Variants in EPC2 observed in about 807,000 individuals in gnomAD.
EPC2 encodes enhancer of polycomb homolog 2.
EPC2 carries 14 observed loss-of-function variants against 92.1 expected under a neutral mutation model. That is an observed-to-expected ratio of 0.15 (90% CI 0.10 to 0.24). The LOEUF (loss-of-function observed/expected upper bound fraction) is 0.24, where lower values mean the gene tolerates loss of function less well. Ranked by LOEUF, EPC2 falls within the 10% of genes least tolerant of loss-of-function variation. The pLI, the probability that EPC2 is intolerant of heterozygous loss-of-function variation, is 1.00. For missense variants in EPC2, 755 were observed against 971.5 expected, an observed-to-expected ratio of 0.78 and a Z score of 2.96; for synonymous variants, 340 against 334.7, an observed-to-expected ratio of 1.02 and a Z score of -0.17.
At chr2:148,645,198 C>A (rs779180030) in intron 1 of EPC2, 28 bp downstream of exon 1, 10 of 1,544,862 alleles carry the variant, frequency 6.5e-6, no homozygotes, top group East Asian at 4.8e-5. Flanking sequence ...TATTACCCCC[C>A]CTTCCCTCCT....
intron 2 of EPC2, chr2:148,691,760 C>T: frequency 2.4e-6 from 2 of 820,712 alleles, no homozygotes; most frequent in Non-Finnish European, 4.2e-6. Flanking sequence ...AGATTTTTTG[C>T]TTCTCCTTTC....
chr2:148,781,938 G>A (rs1683758122), intron 11 of EPC2, among the ~76,000 whole-genome samples, 158 bp downstream of exon 11: 1 of 152,136 alleles, frequency 6.6e-6, no homozygotes, highest in Non-Finnish European at 1.5e-5. Flanking sequence ...GTAATTTTAA[G>A]TGACTAGCTT....
chr2:148,743,549 C>T, intron 2 of EPC2, 73 bp from the exon 3 acceptor site: 1 of 1,208,272 alleles, frequency 8.3e-7, no homozygotes, highest in Non-Finnish European at 1.1e-6. Flanking sequence ...AGGTAGTCTG[C>T]AGTCAAATAT....
intron 7 of EPC2, among the ~76,000 whole-genome samples, chr2:148,767,905 A>G (rs529585696): frequency 1.3e-5 from 2 of 152,286 alleles, no homozygotes; most frequent in Non-Finnish European, 2.9e-5. Context: ...GTTATTTGCA[A>G]AGGAACCAAA....
intron 2 of EPC2, among the ~76,000 whole-genome samples, chr2:148,697,844 A>G (rs1681782128): frequency 6.6e-6 from 1 of 152,244 alleles, no homozygotes; most frequent in Admixed American, 6.5e-5. Flanking sequence ...GGTTTGCTGC[A>G]AGTCCAACCT....
At chr2:148,732,258 G>A (rs540649208) in intron 2 of EPC2, among the ~76,000 whole-genome samples, 5 of 152,250 alleles carry the variant, frequency 3.3e-5, no homozygotes, top group South Asian at 2.1e-4. Context: ...GTGCACCCGC[G>A]GTCTTGCACA....
At chr2:148,678,582 G>A (rs571322992) in intron 1 of EPC2, among the ~76,000 whole-genome samples, 41 of 152,382 alleles carry the variant, frequency 2.7e-4, no homozygotes, top group African/African-American at 5.3e-4. Context: ...GAAATCGAGC[G>A]CAGCACTGGT....
intron 2 of EPC2, among the ~76,000 whole-genome samples, chr2:148,742,330 G>C (rs1277075817): frequency 6.6e-6 from 1 of 152,168 alleles, no homozygotes; most frequent in African/African-American, 2.4e-5. Flanking sequence ...GCTTTCTTCT[G>C]CTGCTCTTTC....
At chr2:148,746,408 C>T (rs908839430) in intron 3 of EPC2, among the ~76,000 whole-genome samples, 8 of 152,136 alleles carry the variant, frequency 5.3e-5, no homozygotes, top group Middle Eastern at 3.4e-3. Flanking sequence ...CATTTTTTAT[C>T]CCTTTCCTTC....
intron 2 of EPC2, among the ~76,000 whole-genome samples, chr2:148,697,646 CATT>C (rs1646321794): frequency 6.6e-6 from 1 of 152,128 alleles, no homozygotes; most frequent in South Asian, 2.1e-4. Context: ...AAATCAAAGA[CATT>C]AGAGGGAGAA....
At chr2:148,749,815 A>G (rs1304708456) in intron 3 of EPC2, among the ~76,000 whole-genome samples, 1 of 152,022 alleles carries the variant, frequency 6.6e-6, no homozygotes, top group East Asian at 1.9e-4. Context: ...GTGTGTGTAC[A>G]TGTATTTTAT....
intron 2 of EPC2, among the ~76,000 whole-genome samples, chr2:148,701,786 A>G (rs1371745915): frequency 6.6e-6 from 1 of 152,168 alleles, no homozygotes; most frequent in East Asian, 1.9e-4. Flanking sequence ...GTTTTCTGGG[A>G]GTGATGAGAG....
chr2:148,775,750 T>TAAAG (rs1353328092), intron 10 of EPC2, among the ~76,000 whole-genome samples: 1 of 89,336 alleles, frequency 1.1e-5, no homozygotes, highest in Non-Finnish European at 2.2e-5. Context: ...TTTAAATATT[T>TAAAG]AAAGAAATAT....
At chr2:148,731,582 T>A (rs1682628696) in intron 2 of EPC2, among the ~76,000 whole-genome samples, 1 of 152,146 alleles carries the variant, frequency 6.6e-6, no homozygotes, top group African/African-American at 2.4e-5. Context: ...TTTGTATTTT[T>A]AGTAGAGACA....
chr2:148,757,324 C>T (rs954406903), intron 4 of EPC2, among the ~76,000 whole-genome samples: 1 of 151,952 alleles, frequency 6.6e-6, no homozygotes, highest in South Asian at 2.1e-4. Flanking sequence ...TGCAGTGAGC[C>T]GAGATCGCGC....
intron 1 of EPC2, among the ~76,000 whole-genome samples, chr2:148,687,078 ATCAGT>A: frequency 6.6e-6 from 1 of 152,206 alleles, no homozygotes; most frequent in East Asian, 1.9e-4. Context: ...AGCCACCTTC[ATCAGT>A]GATCTTAACT....
Position 148,758,188 on chromosome 2 carries a change from G to T in EPC2, c.667-3594G>T, listed in dbSNP as rs1483541745. 2.4e-4 allele frequency among the ~76,000 whole-genome samples: 37 copies of T among 152,200 alleles called. 2 individuals are homozygous for T. The highest frequency in any genetic ancestry group is 4.2e-4 in the South Asian group (2 of 4,810). On this transcript the variant is annotated intron_variant, in intron 4 of 13. Coordinates refer to ENST00000258484, the MANE Select transcript of EPC2 (RefSeq NM_015630.4). ...GGTGGGTGGGTGGGTGTGGATGGAT[G>T]AATAGACAGCATTTCCTTACAGTAG...
chr2:148,777,908 A>G (rs1354960019), intron 10 of EPC2, among the ~76,000 whole-genome samples: 1 of 152,158 alleles, frequency 6.6e-6, no homozygotes, highest in African/African-American at 2.4e-5. Context: ...TGAAAAACAG[A>G]CTGTTCTGTA....
intron 2 of EPC2, among the ~76,000 whole-genome samples, chr2:148,736,997 G>A (rs112154031): frequency 0.014 from 2,139 of 152,266 alleles, 52 homozygotes; most frequent in African/African-American, 0.049. Context: ...AGCTACTTGG[G>A]AAGCTGAAGT....
Sources: allele counts gnomAD v4.1 joint callset (sites outside exome capture counted in the v4.1 genomes callset), GRCh38; gene constraint gnomAD v4.1.1; transcripts MANE v1.5; gene names NCBI Gene and HGNC (gene_info 2026-07-23, HGNC 2026-07-21).